HBS1L: variants seen among roughly 807,000 people sequenced by gnomAD.
HBS1L encodes HBS1 like translational GTPase.
HBS1L carries 55 observed loss-of-function variants against 88.9 expected under a neutral mutation model. That is an observed-to-expected ratio of 0.62 (90% CI 0.50 to 0.77). The LOEUF is 0.77. HBS1L is among the 30% of genes least tolerant of loss of function. The pLI, the probability that HBS1L is intolerant of heterozygous loss-of-function variation, is 0.00. For missense variants in HBS1L, 741 were observed against 829.3 expected (o/e 0.89, Z 1.31); for synonymous variants, 267 against 288.5 (o/e 0.93, Z 0.76).
chr6:135,039,208 A>G (rs769417431), intron 4 of HBS1L, among the ~76,000 whole-genome samples: 1 of 152,128 alleles, frequency 6.6e-6, no homozygotes, highest in East Asian at 1.9e-4. Context: ...AATCCCAGTT[A>G]CTTGGGAGGC....
intron 4 of HBS1L, among the ~76,000 whole-genome samples, chr6:135,030,730 TA>T (rs1180345161): frequency 1.3e-5 from 2 of 151,836 alleles, no homozygotes; most frequent in African/African-American, 4.8e-5. Flanking sequence ...AAAGTAACAA[TA>T]AAGAAGAAAA....
chr6:135,040,002 T>C (rs9389258), intron 3 of HBS1L, among the ~76,000 whole-genome samples: 71,042 of 152,078 alleles, frequency 0.47, 16,918 homozygotes, highest in South Asian at 0.56. Flanking sequence ...TCCTGAATAA[T>C]AGTGACTAAT....
Position 135,054,762 on chromosome 6 carries a change from C to G in HBS1L, c.-71G>C. 4 of 1,576,478 alleles carry G rather than the reference C, an allele frequency of 2.5e-6. No individual in the cohort carries two copies. The highest frequency in any genetic ancestry group is 1.7e-5 in the Admixed American group (1 of 58,736). On this transcript the variant is annotated 5_prime_UTR_variant, in exon 1 of 18. Coordinates refer to ENST00000367837, the MANE Select transcript of HBS1L (RefSeq NM_006620.4). ...ACACTCCGCTTAGATACTGATAAGG[C>G]GCCAACTGCAGCCTGGAGAACCCCT...
chr6:134,990,749 GC>G (rs924002565), intron 8 of HBS1L, among the ~76,000 whole-genome samples: 3 of 152,008 alleles, frequency 2.0e-5, no homozygotes, highest in African/African-American at 7.2e-5. Flanking sequence ...ACAGGGTTTT[GC>G]CATGTTGCCC....
At chr6:135,013,827 T>G (rs1775841093) in intron 4 of HBS1L, among the ~76,000 whole-genome samples, 1 of 152,224 alleles carries the variant, frequency 6.6e-6, no homozygotes, top group East Asian at 1.9e-4. Flanking sequence ...AATAAGTATT[T>G]AACTACTATT....
intron 1 of HBS1L, among the ~76,000 whole-genome samples, chr6:135,051,219 G>A (rs544988762): frequency 2.3e-4 from 35 of 151,068 alleles, no homozygotes; most frequent in Admixed American, 4.0e-4. Context: ...GCAAGACTCC[G>A]TCTCAAAAAG....
chr6:135,048,861 C>T (rs1205751477), intron 2 of HBS1L, among the ~76,000 whole-genome samples: 1 of 152,096 alleles, frequency 6.6e-6, no homozygotes, highest in Non-Finnish European at 1.5e-5. Flanking sequence ...AAGAGCAGGC[C>T]TGTACATAAA....
chr6:135,027,066 C>A (rs1458435048), intron 4 of HBS1L: 1 of 151,310 alleles, frequency 6.6e-6, no homozygotes, highest in East Asian at 1.9e-4. Context: ...ATTGCAGGCA[C>A]CTGTAATCCC....
rs776534260 is a variant in HBS1L at position 134,996,894 on chromosome 6, A to G, written c.848T>C (p.Leu283Pro). The G allele has an allele frequency of 1.9e-6, 3 of 1,608,244 alleles. No homozygotes were observed. Among genetic ancestry groups the G allele is most frequent in the Non-Finnish European group, 2.5e-6 (3 of 1,178,254 alleles). Residue 283 changes from leucine to proline, a missense_variant, in exon 7 of 18, where the codon CTT becomes CCT. Leu to Pro is a moderately conservative substitution (Grantham distance 98, BLOSUM62 -3). Transcript: ENST00000367837. ...KSTLMGHMLY[L>P]LGNINKRTMH... ...AGTTCTTTTGTTTATATTACCCAGA[A>G]GATAAAGCATATGGCCCATCAGAGT...
chr6:135,002,897 A>C (rs982052394), intron 4 of HBS1L, 55 bp from the exon 5 acceptor site: 12 of 964,870 alleles, frequency 1.2e-5, no homozygotes, highest in Non-Finnish European at 1.8e-5. Context: ...AATATAAAGA[A>C]ATCTATTACA....
At position 135,046,403 on chromosome 6, in the gene HBS1L, G is replaced by C. The variant is rs74652483; in HGVS notation, c.109+4179C>G. On this transcript the variant is annotated intron_variant, in intron 2 of 17. Transcript: ENST00000367837. ...ACAATAAAGGTGTGAAATTAGAATG[G>C]AGCAAACAAAGATTACTTCTAATCA... Among the ~76,000 whole-genome samples the C allele has an allele frequency of 2.6e-3, 393 of 151,700 alleles. 6 individuals carry two copies. The East Asian group carries it at 0.038, about 15-fold the overall frequency.
At chr6:134,979,447 G>A (rs1048162987) in intron 13 of HBS1L, 179 bp from the exon 14 acceptor site, 5 of 553,156 alleles carry the variant, frequency 9.0e-6, no homozygotes, top group Non-Finnish European at 1.7e-5. Context: ...CTCTAGAACT[G>A]ACTCTTCTAG....
chr6:134,963,273 TTCAA>T lies in HBS1L; in HGVS notation c.*2002_*2005del, dbSNP rs1221072310. The T allele has an allele frequency of 6.6e-6, 1 of 152,140 alleles. No homozygotes were observed. Among genetic ancestry groups the T allele is most frequent in the African/African-American group, 2.4e-5 (1 of 41,434 alleles). The allele number at this position is 152,140 out of a possible 1,614,324, so 9.4% of individuals were successfully genotyped here. On this transcript the variant is annotated 3_prime_UTR_variant, in exon 18 of 18. Coordinates refer to ENST00000367837, the MANE Select transcript of HBS1L (RefSeq NM_006620.4). ...CCTAGGGAAGTATTAATAAATAAAA[TTCAA>T]TCATAGTCAATGATGAGATGTTTCT... is the stretch of plus-strand genomic sequence containing the variant.
intron 3 of HBS1L, among the ~76,000 whole-genome samples, chr6:135,041,640 AAGG>A (rs1776740073): frequency 6.6e-6 from 1 of 152,108 alleles, no homozygotes; most frequent in Non-Finnish European, 1.5e-5. Context: ...TTTGTAAGTA[AAGG>A]AGTTTATGTA....
At chr6:135,030,671 T>G (rs1776358661) in intron 4 of HBS1L, among the ~76,000 whole-genome samples, 1 of 151,300 alleles carries the variant, frequency 6.6e-6, no homozygotes, top group African/African-American at 2.4e-5. Flanking sequence ...TAACAGTAAA[T>G]AAAATAATGA....
intron 4 of HBS1L, among the ~76,000 whole-genome samples, chr6:135,021,783 C>G (rs1004594288): frequency 1.3e-5 from 2 of 152,112 alleles, no homozygotes; most frequent in Non-Finnish European, 2.9e-5. Flanking sequence ...TTAACACCTA[C>G]GTAAAATTAG....
intron 15 of HBS1L, among the ~76,000 whole-genome samples, chr6:134,971,992 T>C (rs1310362398): frequency 6.6e-6 from 1 of 152,218 alleles, no homozygotes; most frequent in Admixed American, 6.5e-5. Context: ...TAGATCTTAT[T>C]TATCTCAGTT....
intron 12 of HBS1L, 152 bp from the exon 13 acceptor site, chr6:134,982,714 A>T: frequency 2.2e-6 from 1 of 448,402 alleles, no homozygotes; most frequent in Non-Finnish European, 4.0e-6. Flanking sequence ...TCTCTACTAA[A>T]TATGGCATAC....
At chr6:135,010,366 T>TA (rs1474024627) in intron 4 of HBS1L, among the ~76,000 whole-genome samples, 1 of 152,124 alleles carries the variant, frequency 6.6e-6, no homozygotes, top group Admixed American at 6.5e-5. Context: ...CATACAAAAC[T>TA]AAAAAATCAG....
Sources: allele counts gnomAD v4.1 joint callset (sites outside exome capture counted in the v4.1 genomes callset), GRCh38; gene constraint gnomAD v4.1.1; transcripts MANE v1.5; gene names NCBI Gene and HGNC (gene_info 2026-07-23, HGNC 2026-07-21).